SPAG1: variants seen among roughly 807,000 people sequenced by gnomAD.
The protein encoded by SPAG1 is sperm associated antigen 1, also known as sperm-associated antigen 1.
In SPAG1, 69 loss-of-function variants were observed where a neutral mutation model predicts 100.5. The observed-to-expected ratio is 0.69, with a 90% CI of 0.57 to 0.84. SPAG1 has a LOEUF of 0.84. Among genes scored for constraint, SPAG1 ranks in the 40% least tolerant of loss-of-function variants. SPAG1 has a pLI of 0.00. For synonymous variants in SPAG1, 336 were observed against 411.6 expected (o/e 0.82, Z 2.22); for missense variants, 955 against 1,133.1 (o/e 0.84, Z 2.26).
At chr8:100,172,512 T>C (rs2935122) in intron 3 of SPAG1, among the ~76,000 whole-genome samples, 94,858 of 151,744 alleles carry the variant, frequency 0.63, 29,981 homozygotes, top group African/African-American at 0.71. Flanking sequence ...CCCAGCTACT[T>C]AGGAGGCTGA....
intron 2 of SPAG1, chr8:100,165,512 T>C: frequency 2.7e-6 from 1 of 365,634 alleles, no homozygotes; most frequent in Non-Finnish European, 5.1e-6. Flanking sequence ...CCACGCCAAC[T>C]CCGCGGAGCA....
At position 100,194,246 on chromosome 8, in the gene SPAG1, TG is replaced by T; in HGVS notation, c.1075del (p.Glu359LysfsTer31). The T allele has an allele frequency of 6.2e-7, 1 of 1,608,500 alleles. No individual in the cohort carries two copies. Among genetic ancestry groups the T allele is most frequent in the Non-Finnish European group, 8.5e-7 (1 of 1,175,260 alleles). On this transcript the variant is annotated frameshift_variant, in exon 10 of 19. Coordinates refer to ENST00000388798, the MANE Select transcript of SPAG1 (RefSeq NM_003114.5). LOFTEE classifies it high-confidence loss of function. Reference protein sequence around the residue: ...DEEGKSGRKHEDGGGDKKPAE... With the variant: ...DEEGKSGRKHXDGGGDKKPAE... ...AAGAAGGAAAAAGCGGAAGAAAACA[TG>T]AAGATGGCGGTGGAGATAAGAGTAA...
At chr8:100,230,994 T>C (rs1818743429) in intron 14 of SPAG1, among the ~76,000 whole-genome samples, 162 bp from the exon 15 acceptor site, 1 of 152,184 alleles carries the variant, frequency 6.6e-6, no homozygotes, top group Non-Finnish European at 1.5e-5. Context: ...AGCCTATTTG[T>C]CATTTTAATT....
At chr8:100,212,460 T>A (rs193116795) in intron 10 of SPAG1, among the ~76,000 whole-genome samples, 79 of 152,338 alleles carry the variant, frequency 5.2e-4, no homozygotes, top group African/African-American at 1.7e-3. Context: ...ATTAAAGCTA[T>A]TAATACCTGA....
Position 100,218,247 on chromosome 8 carries a change from C to A in SPAG1, c.1536-2032C>A, listed in dbSNP as rs189565213. 3.2e-4 allele frequency among the ~76,000 whole-genome samples: 49 copies of A among 152,106 alleles called. 1 individual carries two copies. The highest frequency in any genetic ancestry group is 3.0e-3 in the Admixed American group (46 of 15,284). On this transcript the variant is annotated intron_variant, in intron 12 of 18. Coordinates refer to ENST00000388798, the MANE Select transcript of SPAG1 (RefSeq NM_003114.5). ...ATTTTTATACATGGGTGGTTTTTTTCCTTAATGGAATTTCCATTCATAAGT... is the reference window on the plus strand; with the variant it reads ...ATTTTTATACATGGGTGGTTTTTTTACTTAATGGAATTTCCATTCATAAGT...
In SPAG1 at chr8:100,168,687, C is replaced by CTTTTTTTTTTTT. The variant is rs747506730; in HGVS notation, c.300+2725_300+2726insTTTTTTTTTTTT. Among the ~76,000 whole-genome samples the CTTTTTTTTTTTT allele has an allele frequency of 6.5e-4, 62 of 95,672 alleles. 2 individuals are homozygous for CTTTTTTTTTTTT. The highest frequency in any genetic ancestry group is 1.4e-3 in the African/African-American group (32 of 22,452). 62.8% of individuals were successfully genotyped at this position (95,672 alleles called of 152,430 possible). A position where few individuals can be genotyped will look rare whatever the true frequency, so the allele number is the denominator to read the frequency against. ...AGCATGAGCCACCATGCCCAGCCAT[C>CTTTTTTTTTTTT]TTTTTTTTTTTGTTGTTGAGACAGA... On this transcript the variant is annotated intron_variant, in intron 3 of 18. Transcript: ENST00000388798.
chr8:100,233,212 C>T (rs1818856608), intron 15 of SPAG1, 199 bp from the exon 16 acceptor site: 1 of 527,608 alleles, frequency 1.9e-6, no homozygotes, highest in South Asian at 1.9e-5. Flanking sequence ...ATTGCATCCT[C>T]CTTGAGGGCT....
chr8:100,183,537 G>T, intron 5 of SPAG1, 101 bp downstream of exon 5: 1 of 578,830 alleles, frequency 1.7e-6, no homozygotes, highest in South Asian at 2.5e-5. Flanking sequence ...ACCTTAACAT[G>T]TCAAGAATAC....
chr8:100,232,446 G>A (rs1234864945), intron 15 of SPAG1, among the ~76,000 whole-genome samples: 1 of 152,054 alleles, frequency 6.6e-6, no homozygotes, highest in Non-Finnish European at 1.5e-5. Flanking sequence ...TCTGTCTTCT[G>A]AGCTCCAGAC....
rs1191234481 is a variant in SPAG1, at chr8:100,231,188, G to A, written c.1888G>A (p.Gly630Arg). 2 of 1,607,734 alleles carry A rather than the reference G, an allele frequency of 1.2e-6. No homozygotes were observed. Among genetic ancestry groups the A allele is most frequent in the African/African-American group, 1.3e-5 (1 of 74,794 alleles). ...AACATTTAAAGCCCTTAAGGAAGAA[G>A]GAAATCAATGTGTAAATGACAAAAA... is the stretch of plus-strand genomic sequence containing the variant. ...EKTFKALKEE[G>R]NQCVNDKNYK... is the part of the protein sequence containing the mutation. Residue 630 changes from glycine to arginine, a missense_variant, in exon 15 of 19, where the codon GGA becomes AGA. By Grantham distance (125) the Gly-to-Arg change is moderately radical (BLOSUM62 -2). Coordinates refer to ENST00000388798, the MANE Select transcript of SPAG1 (RefSeq NM_003114.5).
rs781360666 is a variant in SPAG1, at chr8:100,184,677, A to G, written c.645A>G (p.Lys215=). 14 of 1,586,514 alleles carry G rather than the reference A, an allele frequency of 8.8e-6. 1 individual carries two copies. The Middle Eastern group carries it at 8.3e-4, about 94-fold the overall frequency. The stretch of plus-strand genomic sequence containing the variant: ...TTCTTGCCACTCGTGAAAAGGAGAA[A>G]GGAAATGAAGCTTTCAACTCAGGAG... ...KDFLATREKE[K]GNEAFNSGDY... The change falls in exon 7 of 19, where the codon AAA becomes AAG. Residue 215 remains lysine, a synonymous_variant. Coordinates refer to ENST00000388798, the MANE Select transcript of SPAG1 (RefSeq NM_003114.5).
chr8:100,181,153 T>C (rs1816347969), intron 4 of SPAG1, among the ~76,000 whole-genome samples: 1 of 152,242 alleles, frequency 6.6e-6, no homozygotes, highest in East Asian at 1.9e-4. Context: ...TTAGAATTTA[T>C]CATGTATACT....
rs143498087 is a variant in SPAG1 at position 100,239,346 on chromosome 8, A to C, written c.2222A>C (p.Lys741Thr). The C allele has an allele frequency of 5.6e-6, 9 of 1,596,510 alleles. No homozygotes were observed. The Admixed American group carries it at 8.7e-5, about 15-fold the overall frequency. Reference sequence around the variant, plus strand: ...GAGGTAACTAGACTCCTTAATCTTAAGGATAAGACAGCACCATTCAACAAA... The same window carrying C: ...GAGGTAACTAGACTCCTTAATCTTACGGATAAGACAGCACCATTCAACAAA... Reference protein sequence around the residue: ...LEEVTRLLNLKDKTAPFNKEK... With the variant: ...LEEVTRLLNLTDKTAPFNKEK... The change falls in exon 17 of 19, where the codon AAG (lysine) becomes ACG (threonine). Residue 741 changes from lysine (K) to threonine (T), a missense_variant. Lys to Thr is a moderately conservative substitution (Grantham distance 78). Coordinates refer to ENST00000388798, the MANE Select transcript of SPAG1 (RefSeq NM_003114.5). The surrounding 1 kb of genome is among the most constrained non-coding windows in gnomAD (Gnocchi z 5.0).
chr8:100,211,643 C>CAAG (rs1486059878), intron 10 of SPAG1, among the ~76,000 whole-genome samples: 2 of 152,182 alleles, frequency 1.3e-5, no homozygotes, highest in African/African-American at 4.8e-5. Flanking sequence ...GGCAATAGAG[C>CAAG]AAGACCCTGT....
intron 10 of SPAG1, among the ~76,000 whole-genome samples, chr8:100,201,054 C>T (rs540413025): frequency 2.2e-4 from 34 of 151,466 alleles, no homozygotes; most frequent in Non-Finnish European, 3.7e-4. Flanking sequence ...ATATAAGAAT[C>T]CATTGTCAAA....
chr8:100,235,923 C>G (rs1405576685), intron 16 of SPAG1, among the ~76,000 whole-genome samples: 2 of 152,074 alleles, frequency 1.3e-5, no homozygotes, highest in African/African-American at 4.8e-5. Flanking sequence ...TTAAAAGAGA[C>G]TCCTTTGAAA....
rs1563782324 is a variant in SPAG1 at position 100,187,258 on chromosome 8, ATAT to A, written c.832+12_832+14del. 3 of 1,595,340 alleles carry A rather than the reference ATAT, an allele frequency of 1.9e-6. No homozygotes were observed. The highest frequency in any genetic ancestry group is 2.6e-6 in the Non-Finnish European group (3 of 1,170,542). On this transcript the variant is annotated intron_variant, in intron 8 of 18. Coordinates refer to ENST00000388798, the MANE Select transcript of SPAG1 (RefSeq NM_003114.5). ...AACCTGGAAACGTAAAGGGTAAAAA[ATAT>A]TATAGAATTCTTTTACATTTACAGC... is the stretch of plus-strand genomic sequence containing the variant.
At chr8:100,217,780 T>G (rs1818073688) in intron 12 of SPAG1, among the ~76,000 whole-genome samples, 1 of 152,058 alleles carries the variant, frequency 6.6e-6, no homozygotes, top group Non-Finnish European at 1.5e-5. Context: ...TTTTCGTTTT[T>G]CTTTTCTTTT....
chr8:100,196,824 G>A (rs530697789), intron 10 of SPAG1, among the ~76,000 whole-genome samples: 2 of 151,980 alleles, frequency 1.3e-5, no homozygotes, highest in South Asian at 2.1e-4. Flanking sequence ...TCTGTTGTTC[G>A]GGCTAGAGTG....
Sources: allele counts gnomAD v4.1 joint callset (sites outside exome capture counted in the v4.1 genomes callset), GRCh38; gene constraint gnomAD v4.1.1; non-coding constraint Gnocchi (gnomAD v3.1); transcripts MANE v1.5; gene names NCBI Gene and HGNC (gene_info 2026-07-23, HGNC 2026-07-21).